Variants in FRMPD4 observed in about 807,000 individuals in gnomAD.
FRMPD4 encodes the protein FERM and PDZ domain containing 4.
A neutral mutation model predicts 94.1 loss-of-function variants in FRMPD4; 22 were observed. The observed-to-expected ratio is 0.23, with a 90% confidence interval of 0.17 to 0.33. The LOEUF (loss-of-function observed/expected upper bound fraction) is 0.33, where lower values mean the gene tolerates loss of function less well. Among genes scored for constraint, FRMPD4 ranks in the 10% least tolerant of loss-of-function variants. The pLI, the probability that FRMPD4 is intolerant of heterozygous loss-of-function variation, is 1.00. For missense variants in FRMPD4, 1,111 were observed against 1,339.9 expected (o/e 0.83, Z 2.67); for synonymous variants, 631 against 548.6 (o/e 1.15, Z -2.10).
chrX:12,611,682 T>C (rs531921668), intron 3 of FRMPD4, among the ~76,000 whole-genome samples: 36 of 112,753 alleles, frequency 3.2e-4, no homozygotes, highest in Middle Eastern at 4.6e-3. Context: ...CATTTTTCGT[T>C]TTTCATTATT....
At chrX:12,636,152 A>G (rs1046018686) in intron 4 of FRMPD4, among the ~76,000 whole-genome samples, 3 of 112,254 alleles carry the variant, frequency 2.7e-5, no homozygotes, top group Non-Finnish European at 1.9e-5. Flanking sequence ...TCATAAAATA[A>G]TTTCTCATTA....
chrX:12,268,696 G>A (rs909532415), intron 1 of FRMPD4, among the ~76,000 whole-genome samples: 2 of 112,088 alleles, frequency 1.8e-5, no homozygotes, highest in African/African-American at 6.5e-5. Context: ...TAGTTCCATA[G>A]GGTGCACAGC....
intron 1 of FRMPD4, among the ~76,000 whole-genome samples, chrX:12,225,853 A>C: frequency 8.9e-6 from 1 of 112,088 alleles, no homozygotes; most frequent in Non-Finnish European, 1.9e-5. Context: ...TAATTAAATA[A>C]GTGAAAGGAA....
At chrX:12,351,706 C>T (rs1325992751) in intron 1 of FRMPD4, among the ~76,000 whole-genome samples, 1 of 112,463 alleles carries the variant, frequency 8.9e-6, no homozygotes, top group Non-Finnish European at 1.9e-5. Context: ...CTTCAAACAT[C>T]ACAGATTAGT....
chrX:12,460,430 T>C (rs1343243703), intron 1 of FRMPD4, among the ~76,000 whole-genome samples: 1 of 112,138 alleles, frequency 8.9e-6, no homozygotes, highest in Non-Finnish European at 1.9e-5. Flanking sequence ...TTTAGGTTAA[T>C]TTTTGTCCAT....
chrX:11,847,640 C>T (rs1306904349), intron 1 of FRMPD4, among the ~76,000 whole-genome samples: 14 of 109,376 alleles, frequency 1.3e-4, no homozygotes, highest in African/African-American at 4.7e-4. Flanking sequence ...CCCAAATGTC[C>T]AACAATGAAA....
intron 1 of FRMPD4, among the ~76,000 whole-genome samples, chrX:12,319,167 G>A (rs1033865585): frequency 9.0e-6 from 1 of 111,499 alleles, no homozygotes; most frequent in Non-Finnish European, 1.9e-5. Context: ...ACAGAGACCC[G>A]ATGGCCTGAA....
chrX:12,066,127 T>C (rs752639046), intron 3 of FRMPD4, among the ~76,000 whole-genome samples: 1 of 112,438 alleles, frequency 8.9e-6, no homozygotes, highest in African/African-American at 3.2e-5. Context: ...TCCAATTTTG[T>C]TTCCTTCTCC....
At chrX:12,338,549 T>C (rs1281801207) in intron 1 of FRMPD4, among the ~76,000 whole-genome samples, 2 of 111,751 alleles carry the variant, frequency 1.8e-5, no homozygotes, top group East Asian at 5.6e-4. Flanking sequence ...GGGATACAGA[T>C]ACAGACATGA....
intron 3 of FRMPD4, among the ~76,000 whole-genome samples, chrX:11,882,645 T>C (rs1390357339): frequency 8.9e-6 from 1 of 112,008 alleles, no homozygotes; most frequent in African/African-American, 3.2e-5. Flanking sequence ...AATGTATATA[T>C]GAAACATAAA....
intron 1 of FRMPD4, among the ~76,000 whole-genome samples, chrX:12,362,818 A>C (rs983772912): frequency 3.6e-5 from 4 of 111,965 alleles, no homozygotes; most frequent in African/African-American, 1.3e-4. Flanking sequence ...TTACAGTCCC[A>C]CCAACAGTGT....
At chrX:12,522,594 CTTTT>C (rs373581040) in intron 2 of FRMPD4, among the ~76,000 whole-genome samples, 3 of 74,543 alleles carry the variant, frequency 4.0e-5, no homozygotes, top group Admixed American at 1.6e-4. Context: ...TTTTCTTTTC[CTTTT>C]TTTTTTTTTT....
chrX:12,178,380 G>A (rs932750008), intron 1 of FRMPD4, among the ~76,000 whole-genome samples: 6 of 111,873 alleles, frequency 5.4e-5, no homozygotes, highest in South Asian at 3.7e-4. Context: ...ATTGATTTAG[G>A]TGTTCTTGCC....
intron 1 of FRMPD4, among the ~76,000 whole-genome samples, chrX:11,852,655 C>CA (rs1364228421): frequency 9.1e-6 from 1 of 109,811 alleles, no homozygotes; most frequent in Non-Finnish European, 1.9e-5. Context: ...TCCAAAAAGA[C>CA]AAAAAAGGGA....
At chrX:11,884,530 A>G (rs866425477) in intron 3 of FRMPD4, among the ~76,000 whole-genome samples, 2 of 111,300 alleles carry the variant, frequency 1.8e-5, no homozygotes, top group African/African-American at 3.3e-5. Context: ...ATGTGTGTAT[A>G]TATACGTATA....
intron 1 of FRMPD4, among the ~76,000 whole-genome samples, chrX:12,391,738 G>GGATAGAGCAGGAACTTCTCTATCCTC (rs2056477652): frequency 1.8e-5 from 2 of 111,106 alleles, no homozygotes; most frequent in Non-Finnish European, 3.8e-5. Flanking sequence ...CCTCAGGGTT[G>GGATAGAGCAGGAACTTCTCTATCCTC]AGGAGCTTCT....
At chrX:12,068,011 A>G in intron 3 of FRMPD4, among the ~76,000 whole-genome samples, 1 of 111,817 alleles carries the variant, frequency 8.9e-6, no homozygotes, top group South Asian at 3.8e-4. Context: ...ACTCCATGTC[A>G]TCCTGAGGGT....
chrX:12,614,187 C>T (rs1278892741), intron 3 of FRMPD4: 4 of 111,677 alleles, frequency 3.6e-5, no homozygotes, highest in Non-Finnish European at 7.5e-5. Context: ...AGCCAGATCA[C>T]CTTCACATCC....
chrX:12,454,749 G>A (rs762374369), intron 1 of FRMPD4, among the ~76,000 whole-genome samples: 2 of 107,445 alleles, frequency 1.9e-5, no homozygotes, highest in Admixed American at 2.0e-4. Flanking sequence ...GGGAAACCTC[G>A]TTTTTTCAGA....
Sources: gnomAD v4.1 joint callset for allele counts (sites outside exome capture counted in the v4.1 genomes callset) on GRCh38, gnomAD v4.1.1 for gene constraint, MANE v1.5 for transcripts, NCBI Gene and HGNC (gene_info 2026-07-23, HGNC 2026-07-21) for gene names.